Variants in CLVS1 observed in about 807,000 individuals in gnomAD.
CLVS1 encodes clavesin-1.
In CLVS1, 10 loss-of-function variants were observed where a neutral mutation model predicts 33.1. The observed-to-expected ratio is 0.30, with a 90% CI of 0.19 to 0.51. The LOEUF is 0.51. Among genes scored for constraint, CLVS1 ranks in the 20% least tolerant of loss-of-function variants. The probability of loss-of-function intolerance (pLI) is 0.97; values close to 1 mark genes in which losing one functional copy is unlikely to be tolerated. For missense variants in CLVS1, 343 were observed against 433.4 expected (o/e 0.79, Z 1.85); for synonymous variants, 163 against 166.1 (o/e 0.98, Z 0.14).
chr8:60,996,904 C>T, the CLVS1 span, among the ~76,000 whole-genome samples: 2 of 152,112 alleles, frequency 1.3e-5, no homozygotes, highest in South Asian at 4.1e-4. Flanking sequence ...AGGCACACCA[C>T]TGAGGCAAGA....
chr8:61,352,016 CAT>C (rs958207979), intron 2 of CLVS1, among the ~76,000 whole-genome samples: 4 of 151,920 alleles, frequency 2.6e-5, no homozygotes, highest in African/African-American at 9.7e-5. Context: ...AGAGTAGAAA[CAT>C]GTGCATATAA....
the CLVS1 span, among the ~76,000 whole-genome samples, chr8:61,049,472 T>G: frequency 6.6e-6 from 1 of 152,258 alleles, no homozygotes; most frequent in Non-Finnish European, 1.5e-5. Context: ...TGATAAATTA[T>G]GAAGAACTTC....
At chr8:61,440,823 TC>T (rs1816512177) in intron 3 of CLVS1, among the ~76,000 whole-genome samples, 1 of 152,228 alleles carries the variant, frequency 6.6e-6, no homozygotes, top group Non-Finnish European at 1.5e-5. Flanking sequence ...TTCTCGGACA[TC>T]AACAGTGCCT....
At chr8:61,086,117 C>T (rs1805123059) in intron 1 of CLVS1, among the ~76,000 whole-genome samples, 1 of 137,400 alleles carries the variant, frequency 7.3e-6, no homozygotes, top group Non-Finnish European at 1.5e-5. Flanking sequence ...ATCCCAGCTA[C>T]TCAGGAGGCT....
chr8:61,118,099 G>T (rs1339223197), intron 1 of CLVS1, among the ~76,000 whole-genome samples: 1 of 151,844 alleles, frequency 6.6e-6, no homozygotes, highest in Non-Finnish European at 1.5e-5. Context: ...GTTTAGTCTT[G>T]GGAGAGTGTA....
At chr8:61,066,107 G>A (rs1465353374) in intron 1 of CLVS1, among the ~76,000 whole-genome samples, 1 of 152,220 alleles carries the variant, frequency 6.6e-6, no homozygotes, top group Non-Finnish European at 1.5e-5. Context: ...AAGGACGTAA[G>A]GGGGTAAAAG....
intron 1 of CLVS1, among the ~76,000 whole-genome samples, chr8:61,116,120 G>A (rs2129289011): frequency 6.6e-6 from 1 of 151,974 alleles, no homozygotes; most frequent in African/African-American, 2.4e-5. Flanking sequence ...TTTCTCTGAT[G>A]GCCAGTGATG....
At chr8:61,064,910 C>T (rs1214462622) in intron 1 of CLVS1, among the ~76,000 whole-genome samples, 1 of 152,196 alleles carries the variant, frequency 6.6e-6, no homozygotes, top group Non-Finnish European at 1.5e-5. Context: ...ACCAAGTTGG[C>T]CAGGCTGGTC....
At chr8:61,286,060 G>T (rs1359700967), upstream of CLVS1, among the ~76,000 whole-genome samples, 2 of 150,930 alleles carry the variant, frequency 1.3e-5, no homozygotes, top group East Asian at 3.9e-4. Flanking sequence ...AATTAGTCAG[G>T]ATAGGCTAGG....
intron 5 of CLVS1, among the ~76,000 whole-genome samples, chr8:61,496,755 G>C (rs1804281204): frequency 6.6e-6 from 1 of 152,148 alleles, no homozygotes; most frequent in Non-Finnish European, 1.5e-5. Context: ...TACATATCTT[G>C]AAAGGAGACA....
the CLVS1 span, among the ~76,000 whole-genome samples, chr8:61,015,904 C>T: frequency 6.6e-6 from 1 of 152,156 alleles, no homozygotes; most frequent in Non-Finnish European, 1.5e-5. Context: ...TAAGACTGGC[C>T]TGAGTATGAT....
chr8:60,996,380 A>G, the CLVS1 span, among the ~76,000 whole-genome samples: 14 of 152,184 alleles, frequency 9.2e-5, no homozygotes, highest in African/African-American at 3.1e-4. Flanking sequence ...GTTGCATGCA[A>G]TATCTTTACA....
chr8:61,218,434 C>T (rs768788389), intron 2 of CLVS1, among the ~76,000 whole-genome samples: 1 of 151,304 alleles, frequency 6.6e-6, no homozygotes, highest in Non-Finnish European at 1.5e-5. Flanking sequence ...CTCACTTATA[C>T]GTGGAAGCAA....
At chr8:61,190,111 A>C (rs1807439157) in intron 2 of CLVS1, among the ~76,000 whole-genome samples, 2 of 152,230 alleles carry the variant, frequency 1.3e-5, no homozygotes. Flanking sequence ...AAAATTGACC[A>C]CATAGTTGGA....
intron 2 of CLVS1, among the ~76,000 whole-genome samples, chr8:61,139,690 C>A (rs1389523635): frequency 2.0e-5 from 3 of 152,044 alleles, no homozygotes; most frequent in Non-Finnish European, 4.4e-5. Flanking sequence ...GAGAGGGCTG[C>A]CAGGATCGTG....
At chr8:61,350,416 A>G (rs1056498705) in intron 2 of CLVS1, among the ~76,000 whole-genome samples, 1 of 152,098 alleles carries the variant, frequency 6.6e-6, no homozygotes, top group Non-Finnish European at 1.5e-5. Flanking sequence ...ATTTGGCATT[A>G]TTTGATTTGT....
chr8:61,370,894 G>A (rs976955213), intron 2 of CLVS1, among the ~76,000 whole-genome samples: 2 of 151,898 alleles, frequency 1.3e-5, no homozygotes, highest in African/African-American at 4.8e-5. Flanking sequence ...TTATTTACTC[G>A]TTGATTGATG....
intron 2 of CLVS1, chr8:61,202,724 C>T: frequency 6.3e-7 from 1 of 1,575,366 alleles, no homozygotes; most frequent in South Asian, 1.1e-5. Context: ...GATGCAGAGT[C>T]AGAAGATGAA....
the CLVS1 span, among the ~76,000 whole-genome samples, chr8:61,037,606 G>A: frequency 1.3e-5 from 2 of 152,178 alleles, no homozygotes; most frequent in Non-Finnish European, 2.9e-5. Context: ...GTCTACGTAA[G>A]CACTTAGGAT....
Sources: gnomAD v4.1 joint callset for allele counts (sites outside exome capture counted in the v4.1 genomes callset) on GRCh38, gnomAD v4.1.1 for gene constraint, MANE v1.5 for transcripts, NCBI Gene and HGNC (gene_info 2026-07-23, HGNC 2026-07-21) for gene names.